PHF14: variants seen among roughly 807,000 people sequenced by gnomAD.
The protein encoded by PHF14 is PHD finger protein 14.
In PHF14, 55 loss-of-function variants were observed where a neutral mutation model predicts 117.9. That is an observed-to-expected ratio of 0.47 (90% CI 0.38 to 0.58). The LOEUF (loss-of-function observed/expected upper bound fraction) is 0.58, where lower values mean the gene tolerates loss of function less well. PHF14 is among the 20% of genes least tolerant of loss of function. The pLI is 0.00. For synonymous variants in PHF14, 409 were observed against 368.6 expected, an observed-to-expected ratio of 1.11 and a Z score of -1.26; for missense variants, 978 against 1,122.2, an observed-to-expected ratio of 0.87 and a Z score of 1.84.
intron 4 of PHF14, among the ~76,000 whole-genome samples, chr7:10,999,473 T>C (rs1782780863): frequency 1.3e-5 from 2 of 152,146 alleles, no homozygotes; most frequent in Non-Finnish European, 2.9e-5. Flanking sequence ...CAAGCTTGAG[T>C]CCACTGGGGA....
chr7:11,167,830 C>T (rs930758984), intron 17 of PHF14, among the ~76,000 whole-genome samples: 1 of 152,048 alleles, frequency 6.6e-6, no homozygotes, highest in Non-Finnish European at 1.5e-5. Context: ...GAGATCGAGA[C>T]CATCCTGGCT....
intron 17 of PHF14, among the ~76,000 whole-genome samples, chr7:11,120,577 T>C (rs1047524356): frequency 6.6e-6 from 1 of 152,084 alleles, no homozygotes; most frequent in Non-Finnish European, 1.5e-5. Context: ...CAATGAAAGC[T>C]ATCTTTATAA....
intron 16 of PHF14, among the ~76,000 whole-genome samples, chr7:11,079,764 T>A (rs557179521): frequency 1.3e-5 from 2 of 152,280 alleles, no homozygotes; most frequent in East Asian, 3.9e-4. Context: ...ACAAAATCAT[T>A]TAGCTGTATT....
At chr7:11,105,685 C>T in intron 16 of PHF14, 9 of 983,866 alleles carry the variant, frequency 9.1e-6, no homozygotes, top group Non-Finnish European at 1.1e-5. Context: ...GATAGGCATG[C>T]TTTGCAAATA....
chr7:11,063,607 T>A (rs879084502), intron 16 of PHF14: 23 of 970,358 alleles, frequency 2.4e-5, no homozygotes, highest in Non-Finnish European at 2.7e-5. Flanking sequence ...TTTTTTTTTT[T>A]AATATGAGAT....
intron 16 of PHF14, chr7:11,104,906 A>C (rs1473443851): frequency 1.0e-6 from 1 of 978,256 alleles, no homozygotes. Context: ...GTTGTGCTTA[A>C]CATTGATTGA....
Position 10,983,534 on chromosome 7 carries a change from C to T in PHF14, c.900+375C>T, listed in dbSNP as rs550787579. Among the ~76,000 whole-genome samples the T allele has an allele frequency of 1.6e-4, 24 of 152,258 alleles. No homozygotes were observed. In the East Asian group the frequency reaches 2.1e-3, roughly 13 times the overall value. Reference sequence around the variant, plus strand: ...AAAACAAAGGTCACCTTTCTTTCAACTTAGTTGTGTCCATATCCATATTAA... The same window carrying T: ...AAAACAAAGGTCACCTTTCTTTCAATTTAGTTGTGTCCATATCCATATTAA... On this transcript the variant is annotated intron_variant, in intron 3 of 17. Coordinates refer to ENST00000634607, the MANE Select transcript of PHF14 (RefSeq NM_001007157.2).
chr7:11,043,652 C>T (rs549995357), intron 13 of PHF14, among the ~76,000 whole-genome samples: 1 of 152,030 alleles, frequency 6.6e-6, no homozygotes, highest in Non-Finnish European at 1.5e-5. Flanking sequence ...AATTTTTTCA[C>T]TATTTTCACA....
chr7:11,035,767 A>G lies in PHF14; in HGVS notation c.1583A>G (p.Gln528Arg), dbSNP rs1391486695. 3 of 1,606,810 alleles carry G rather than the reference A, an allele frequency of 1.9e-6. No homozygotes were observed. The highest frequency in any genetic ancestry group is 1.7e-6 in the Non-Finnish European group (2 of 1,176,410). The change falls in exon 8 of 18, where the codon CAA becomes CGA. Residue 528 changes from glutamine to arginine, a missense_variant. By Grantham distance (43) the Gln-to-Arg change is conservative (BLOSUM62 1). Transcript: ENST00000634607. Reference protein sequence around the residue: ...CKMSLQEREKQLSPEAQARIN... With the variant: ...CKMSLQEREKRLSPEAQARIN... Reference sequence around the variant, plus strand: ...ATGTCTTTGCAAGAGAGAGAGAAGCAACTATCACCAGAAGCACAGGTATGG... The same window carrying G: ...ATGTCTTTGCAAGAGAGAGAGAAGCGACTATCACCAGAAGCACAGGTATGG...
chr7:11,014,398 G>C (rs1783453892), intron 5 of PHF14, among the ~76,000 whole-genome samples: 1 of 152,208 alleles, frequency 6.6e-6, no homozygotes, highest in East Asian at 1.9e-4. Context: ...CTCTGGGCCT[G>C]AGGGAGATTA....
intron 17 of PHF14, among the ~76,000 whole-genome samples, chr7:11,137,882 C>T (rs989557313): frequency 6.6e-6 from 1 of 151,300 alleles, no homozygotes; most frequent in African/African-American, 2.4e-5. Flanking sequence ...CCACTGCGCC[C>T]GGCCCTGTTG....
chr7:11,151,966 A>G (rs73286519), intron 17 of PHF14, among the ~76,000 whole-genome samples: 2,995 of 152,276 alleles, frequency 0.02, 103 homozygotes, highest in African/African-American at 0.068. Context: ...ATAAGATTTA[A>G]GAAGTATACC....
intron 13 of PHF14, among the ~76,000 whole-genome samples, chr7:11,043,691 T>G (rs1249639603): frequency 6.6e-6 from 1 of 152,148 alleles, no homozygotes; most frequent in Non-Finnish European, 1.5e-5. Flanking sequence ...GTTCTTTGTA[T>G]CAGTTTGTTT....
intron 6 of PHF14, among the ~76,000 whole-genome samples, chr7:11,027,366 G>T (rs1007102559): frequency 1.3e-5 from 2 of 152,034 alleles, no homozygotes; most frequent in Non-Finnish European, 1.5e-5. Context: ...AGTTTTCCTT[G>T]TATTTGTTTC....
At chr7:11,109,763 T>G (rs1380015314) in intron 16 of PHF14, 4 of 151,884 alleles carry the variant, frequency 2.6e-5, no homozygotes, top group African/African-American at 9.7e-5. Flanking sequence ...TTAAATATAT[T>G]TTTAGATGTG....
At chr7:10,986,324 T>C (rs1782226239) in intron 3 of PHF14, among the ~76,000 whole-genome samples, 1 of 152,148 alleles carries the variant, frequency 6.6e-6, no homozygotes, top group African/African-American at 2.4e-5. Flanking sequence ...ACCATTAATA[T>C]TTGTGTAGAT....
At chr7:11,065,124 G>A (rs1030764343) in intron 16 of PHF14, among the ~76,000 whole-genome samples, 1 of 152,038 alleles carries the variant, frequency 6.6e-6, no homozygotes. Flanking sequence ...AAAATGATTA[G>A]ATTGAAGGTT....
chr7:11,013,519 C>T (rs76569318), intron 4 of PHF14, among the ~76,000 whole-genome samples: 7,046 of 152,158 alleles, frequency 0.046, 253 homozygotes, highest in African/African-American at 0.097. Context: ...AATGCTTTTA[C>T]AGTAGGACTA....
chr7:11,020,691 T>C (rs1417070350), intron 5 of PHF14, among the ~76,000 whole-genome samples: 3 of 152,096 alleles, frequency 2.0e-5, no homozygotes, highest in East Asian at 1.9e-4. Context: ...TTCTTTCTTT[T>C]TTTTTCTTTA....
Sources: gnomAD v4.1 joint callset for allele counts (sites outside exome capture counted in the v4.1 genomes callset) on GRCh38, gnomAD v4.1.1 for gene constraint, MANE v1.5 for transcripts, NCBI Gene and HGNC (gene_info 2026-07-23, HGNC 2026-07-21) for gene names.